FSHR: variants seen among roughly 807,000 people sequenced by gnomAD.
FSHR encodes follicle-stimulating hormone receptor.
A neutral mutation model predicts 52.1 loss-of-function variants in FSHR; 46 were observed. That is an observed-to-expected ratio of 0.88 (90% CI 0.70 to 1.13). The LOEUF (loss-of-function observed/expected upper bound fraction) is 1.13. FSHR is among the 50% of genes most tolerant of loss of function. FSHR has a pLI of 0.00. For synonymous variants in FSHR, 399 were observed against 309.6 expected, an observed-to-expected ratio of 1.29 and a Z score of -3.03; for missense variants, 964 against 834.6, an observed-to-expected ratio of 1.16 and a Z score of -1.91.
At chr2:48,982,400 G>A (rs893764531) in intron 8 of FSHR, among the ~76,000 whole-genome samples, 2 of 152,182 alleles carry the variant, frequency 1.3e-5, no homozygotes, top group Non-Finnish European at 2.9e-5. Context: ...TGTGTATATA[G>A]GTCTCATTGG....
At chr2:48,976,796 G>T (rs887241959) in intron 8 of FSHR, among the ~76,000 whole-genome samples, 1 of 152,068 alleles carries the variant, frequency 6.6e-6, no homozygotes, top group Non-Finnish European at 1.5e-5. Flanking sequence ...TTCTCTGATG[G>T]TAGTTTGTAT....
chr2:49,025,956 A>G (rs1293639505), intron 2 of FSHR, among the ~76,000 whole-genome samples: 1 of 152,210 alleles, frequency 6.6e-6, no homozygotes, highest in Non-Finnish European at 1.5e-5. Flanking sequence ...GGAGAGGCTC[A>G]ATTCAAGGTG....
chr2:49,150,284 A>G (rs1464562553), intron 1 of FSHR, among the ~76,000 whole-genome samples: 1 of 152,084 alleles, frequency 6.6e-6, no homozygotes, highest in African/African-American at 2.4e-5. Flanking sequence ...TAAGTGCTAG[A>G]TACCCTGGGA....
intron 8 of FSHR, among the ~76,000 whole-genome samples, chr2:48,975,509 T>C (rs1674946930): frequency 6.6e-6 from 1 of 152,156 alleles, no homozygotes. Flanking sequence ...GAGAATTAGA[T>C]GGCCTCCCCG....
At chr2:48,989,568 A>T (rs913629705) in intron 5 of FSHR, among the ~76,000 whole-genome samples, 1 of 152,194 alleles carries the variant, frequency 6.6e-6, no homozygotes, top group African/African-American at 2.4e-5. Context: ...GCCACTGGCC[A>T]CTGTGCATGG....
intron 2 of FSHR, among the ~76,000 whole-genome samples, chr2:49,064,493 A>G (rs989903843): frequency 6.6e-6 from 1 of 152,124 alleles, no homozygotes; most frequent in Non-Finnish European, 1.5e-5. Context: ...ACTCAGCTAG[A>G]AAGCCCTCAC....
intron 1 of FSHR, among the ~76,000 whole-genome samples, chr2:49,083,440 T>G (rs13030560): frequency 0.23 from 34,214 of 146,752 alleles, 4,067 homozygotes; most frequent in African/African-American, 0.29. Flanking sequence ...CATCAACTGA[T>G]GAGCAAAATA....
chr2:48,984,594 T>TTG (rs10645537), intron 6 of FSHR, among the ~76,000 whole-genome samples: 80,031 of 151,742 alleles, frequency 0.53, 23,542 homozygotes, highest in Non-Finnish European at 0.66. Context: ...GTATTTTTTT[T>TTG]TTTTGTAATA....
intron 1 of FSHR, among the ~76,000 whole-genome samples, chr2:49,121,214 G>A (rs889437752): frequency 6.6e-6 from 1 of 152,162 alleles, no homozygotes; most frequent in African/African-American, 2.4e-5. Flanking sequence ...CTACCTTTGG[G>A]CTTCAAAGTT....
chr2:49,124,427 C>G (rs1259782849), intron 1 of FSHR, among the ~76,000 whole-genome samples: 1 of 152,110 alleles, frequency 6.6e-6, no homozygotes, highest in Admixed American at 6.5e-5. Context: ...AATCTTTAGG[C>G]TATAGAATTA....
rs760439697 is a variant in FSHR, at chr2:48,963,792, G to C, written c.1029C>G (p.Asp343Glu). ...CATCTGGCTTAGGGGAGCAGGTCAC[G>C]TCAACCACTTCATTGCATAAGTCAT... ...FDYDLCNEVVDVTCSPKPDAF... is the reference protein window; with the variant it reads ...FDYDLCNEVVEVTCSPKPDAF... Residue 343 changes from aspartate (D) to glutamate (E), a missense_variant, in exon 10 of 10, where the codon GAC becomes GAG. Transcript: ENST00000406846. The C allele has an allele frequency of 1.2e-5, 19 of 1,614,090 alleles. No individual in the cohort carries two copies. Among genetic ancestry groups the C allele is most frequent in the Non-Finnish European group, 1.6e-5 (19 of 1,179,988 alleles).
chr2:48,969,434 C>T (rs111555187), intron 8 of FSHR, among the ~76,000 whole-genome samples: 98 of 152,294 alleles, frequency 6.4e-4, no homozygotes, highest in African/African-American at 2.2e-3. Context: ...ACGAACTTGG[C>T]GTCTACAGCA....
At chr2:48,987,513 T>A (rs183923117) in intron 6 of FSHR, among the ~76,000 whole-genome samples, 124 of 152,246 alleles carry the variant, frequency 8.1e-4, no homozygotes, top group Non-Finnish European at 1.5e-3. Context: ...CCCACCTGAT[T>A]ATTTTTATTT....
At chr2:49,138,776 T>C (rs1307675650) in intron 1 of FSHR, among the ~76,000 whole-genome samples, 1 of 152,214 alleles carries the variant, frequency 6.6e-6, no homozygotes, top group East Asian at 1.9e-4. Context: ...TGGTTGCACA[T>C]ATCTGTGAAT....
rs901127726 is a variant in FSHR, at chr2:48,982,807, T to C, written c.668+105A>G. ...AGATGACACGAATAAAAATTGAACT[T>C]GATGGCCAGCCCTGTGTTGGAAGCT... On this transcript the variant is annotated intron_variant, in intron 8 of 9. Coordinates refer to ENST00000406846, the MANE Select transcript of FSHR (RefSeq NM_000145.4). 4.0e-6 allele frequency: 4 copies of C among 1,004,986 alleles called. No individual in the cohort carries two copies. In the African/African-American group the frequency reaches 6.5e-5, roughly 16 times the overall value. 62.3% of individuals were successfully genotyped at this position (1,004,986 alleles called of 1,614,324 possible). A position where few individuals can be genotyped will look rare whatever the true frequency, so the allele number is the denominator to read the frequency against.
chr2:49,027,477 G>A lies in FSHR; in HGVS notation c.225-7317C>T, dbSNP rs1271422663. On this transcript the variant is annotated intron_variant, in intron 2 of 9. Transcript: ENST00000406846. The stretch of plus-strand genomic sequence containing the variant: ...TCTATCCCTACCTGGACACAGTGGT[G>A]CAGCTAGTCTTTGTGCTTGGGAGCC... 2.0e-5 allele frequency among the ~76,000 whole-genome samples: 3 copies of A among 152,186 alleles called. No homozygotes were observed. In the South Asian group the frequency reaches 6.2e-4, roughly 31 times the overall value.
intron 1 of FSHR, among the ~76,000 whole-genome samples, chr2:49,130,100 G>C (rs1187926366): frequency 6.6e-6 from 1 of 152,168 alleles, no homozygotes; most frequent in Non-Finnish European, 1.5e-5. Flanking sequence ...TCAAATCCTG[G>C]ATGTACCACT....
At chr2:49,123,133 C>T (rs1306299249) in intron 1 of FSHR, among the ~76,000 whole-genome samples, 1 of 152,130 alleles carries the variant, frequency 6.6e-6, no homozygotes, top group Non-Finnish European at 1.5e-5. Flanking sequence ...AGTCTATTTT[C>T]CCTATCAGGT....
intron 4 of FSHR, among the ~76,000 whole-genome samples, chr2:48,994,403 C>T (rs1490265675): frequency 1.3e-5 from 2 of 152,062 alleles, no homozygotes; most frequent in African/African-American, 2.4e-5. Flanking sequence ...ACATTGAGAT[C>T]TTTGATCTTT....
Sources: gnomAD v4.1 joint callset for allele counts (sites outside exome capture counted in the v4.1 genomes callset) on GRCh38, gnomAD v4.1.1 for gene constraint, MANE v1.5 for transcripts, NCBI Gene and HGNC (gene_info 2026-07-23, HGNC 2026-07-21) for gene names.